Variants in TNPO3 observed in about 807,000 individuals in gnomAD.
TNPO3 encodes transportin 3.
TNPO3 carries 65 observed loss-of-function variants against 122.8 expected under a neutral mutation model. The ratio of observed to expected loss-of-function variants is 0.53; its 90% CI spans 0.43 to 0.65. TNPO3 has a LOEUF of 0.65. TNPO3 is among the 30% of genes least tolerant of loss of function. The pLI is 0.00. For missense variants in TNPO3, 850 were observed against 1,136.7 expected (o/e 0.75, Z 3.63); for synonymous variants, 372 against 411.2 (o/e 0.90, Z 1.15).
chr7:129,014,956 C>G (rs1584573480), intron 4 of TNPO3, 23 bp downstream of exon 4: 1 of 1,548,374 alleles, frequency 6.5e-7, no homozygotes, highest in East Asian at 2.4e-5. Context: ...TATGCAGCAA[C>G]TTAGTATTTC....
Position 128,955,090 on chromosome 7 carries a change from T to G in TNPO3, c.*327A>C. On this transcript the variant is annotated 3_prime_UTR_variant, in exon 23 of 23. Transcript: ENST00000265388. ...TTCTGGTTTCTGTTTAGTCTTCCTTTTTTTTCTTTTTTCTTTACTTAAAAT... is the reference window on the plus strand; with the variant it reads ...TTCTGGTTTCTGTTTAGTCTTCCTTGTTTTTCTTTTTTCTTTACTTAAAAT... 3.1e-6 allele frequency: 1 copy of G among 327,594 alleles called. No homozygotes were observed. The highest frequency in any genetic ancestry group is 2.3e-5 in the South Asian group (1 of 42,644). The allele number at this position is 327,594 out of a possible 1,614,324, so 20.3% of individuals were successfully genotyped here. A position where few individuals can be genotyped will look rare whatever the true frequency, so the allele number is the denominator to read the frequency against.
At chr7:128,991,939 T>C in intron 10 of TNPO3, 60 bp downstream of exon 10, 1 of 1,208,664 alleles carries the variant, frequency 8.3e-7, no homozygotes, top group East Asian at 2.5e-5. Flanking sequence ...AAAAAAATAG[T>C]GTCATTTTCC....
intron 20 of TNPO3, among the ~76,000 whole-genome samples, chr7:128,969,224 G>A (rs1798214893): frequency 6.6e-6 from 1 of 152,194 alleles, no homozygotes; most frequent in South Asian, 2.1e-4. Context: ...AGCAGAGTAT[G>A]AAGACTTTTT....
chr7:129,046,890 A>AC (rs1276195443), intron 1 of TNPO3, among the ~76,000 whole-genome samples: 6 of 151,880 alleles, frequency 4.0e-5, no homozygotes, highest in African/African-American at 9.7e-5. Context: ...GTATGAGGGA[A>AC]CCCCCCATCA....
In TNPO3 at chr7:129,005,166, A is replaced by G. The variant is rs1321925468; in HGVS notation, c.553-7T>C. ...CTTTTTCTACACAGGTCATCTGAAT[A>G]GAGAAAAAAACTTAAAATGAATAAT... is the stretch of plus-strand genomic sequence containing the variant. On this transcript the variant is annotated splice_polypyrimidine_tract_variant and splice_region_variant and intron_variant, in intron 4 of 22. Transcript: ENST00000265388. 4.4e-6 allele frequency: 7 copies of G among 1,608,110 alleles called. No homozygotes were observed. The highest frequency in any genetic ancestry group is 1.7e-5 in the Admixed American group (1 of 58,736).
chr7:128,968,782 C>T (rs909589905), intron 20 of TNPO3, among the ~76,000 whole-genome samples: 1 of 152,178 alleles, frequency 6.6e-6, no homozygotes, highest in African/African-American at 2.4e-5. Flanking sequence ...ATGATCATAG[C>T]TCACTGCAGG....
At chr7:128,998,095 A>C (rs1801531706) in intron 7 of TNPO3, among the ~76,000 whole-genome samples, 2 of 144,572 alleles carry the variant, frequency 1.4e-5, no homozygotes, top group African/African-American at 2.6e-5. Flanking sequence ...TAATCCTCCC[A>C]CCTAGGTCTC....
At chr7:129,054,505 T>C (rs1324015549) in intron 1 of TNPO3, 146 bp downstream of exon 1, 1 of 1,301,218 alleles carries the variant, frequency 7.7e-7, no homozygotes, top group African/African-American at 1.5e-5. Flanking sequence ...GGCAAAGATG[T>C]AGCTTCGCAG....
rs545897826 is a variant in TNPO3 at position 129,032,617 on chromosome 7, C to T, written c.121-14460G>A. On this transcript the variant is annotated intron_variant, in intron 1 of 22. Coordinates refer to ENST00000265388, the MANE Select transcript of TNPO3 (RefSeq NM_012470.4). ...AATTCCATTTACAATAGAATAAAAACGAATAAAATACTCAGGAATAAGCTT... is the reference window on the plus strand; with the variant it reads ...AATTCCATTTACAATAGAATAAAAATGAATAAAATACTCAGGAATAAGCTT... Among the ~76,000 whole-genome samples, 5 of 152,014 alleles carry T rather than the reference C, an allele frequency of 3.3e-5. No individual in the cohort carries two copies. The South Asian group carries it at 6.2e-4, about 19-fold the overall frequency.
chr7:129,048,023 C>A (rs1306228206), intron 1 of TNPO3, among the ~76,000 whole-genome samples: 1 of 152,104 alleles, frequency 6.6e-6, no homozygotes, highest in Non-Finnish European at 1.5e-5. Flanking sequence ...GGGCTTGAGA[C>A]CAGCCTGGGC....
Position 128,972,479 on chromosome 7 carries a change from A to G in TNPO3, c.2377T>C (p.Cys793Arg). 6.2e-7 allele frequency: 1 copy of G among 1,614,230 alleles called. No homozygotes were observed. The highest frequency in any genetic ancestry group is 8.5e-7 in the Non-Finnish European group (1 of 1,180,036). The change falls in exon 19 of 23, where the codon TGT becomes CGT. Residue 793 changes from cysteine to arginine, a missense_variant. Physicochemically the swap from Cys to Arg is radical, Grantham distance 180. Transcript: ENST00000265388. ...STTLDHRDAN[C>R]SVMRFLRDLI... is the part of the protein sequence containing the mutation. ...TCTCGTAGAAACCTCATGACACTACAATTGGCATCCCGGTGGTCCAGGGTA... is the reference window on the plus strand; with the variant it reads ...TCTCGTAGAAACCTCATGACACTACGATTGGCATCCCGGTGGTCCAGGGTA...
intron 1 of TNPO3, among the ~76,000 whole-genome samples, chr7:129,052,131 C>T (rs1196465742): frequency 1.3e-5 from 2 of 152,172 alleles, no homozygotes; most frequent in Admixed American, 6.5e-5. Flanking sequence ...TTTCCACCCT[C>T]CTCTATCATG....
chr7:129,036,556 G>T (rs1253738607), intron 1 of TNPO3, among the ~76,000 whole-genome samples: 6 of 152,106 alleles, frequency 3.9e-5, no homozygotes, highest in Non-Finnish European at 7.3e-5. Context: ...AATACAGACT[G>T]ATAATACCAT....
intron 1 of TNPO3, among the ~76,000 whole-genome samples, chr7:129,047,535 C>T (rs1037697327): frequency 1.3e-5 from 2 of 152,144 alleles, no homozygotes; most frequent in Admixed American, 1.3e-4. Flanking sequence ...GCAATGAATA[C>T]AGATTCTTCA....
At chr7:128,959,381 T>C (rs557066076) in intron 21 of TNPO3, among the ~76,000 whole-genome samples, 89 of 152,336 alleles carry the variant, frequency 5.8e-4, no homozygotes, top group African/African-American at 1.9e-3. Context: ...TCAGAACAGA[T>C]AGAAACAGGG....
At chr7:128,983,659 C>T (rs763270483) in intron 13 of TNPO3, among the ~76,000 whole-genome samples, 1 of 152,240 alleles carries the variant, frequency 6.6e-6, no homozygotes, top group Non-Finnish European at 1.5e-5. Flanking sequence ...CTGCTAGCTC[C>T]AAGCTTTTTG....
intron 7 of TNPO3, among the ~76,000 whole-genome samples, chr7:128,998,351 C>A (rs1430227726): frequency 6.6e-6 from 1 of 152,014 alleles, no homozygotes; most frequent in African/African-American, 2.4e-5. Flanking sequence ...CAGAGTGAGA[C>A]CCTGTCTCAA....
At chr7:129,051,145 T>TAAAA (rs77733877) in intron 1 of TNPO3, among the ~76,000 whole-genome samples, 1 of 147,452 alleles carries the variant, frequency 6.8e-6, no homozygotes, top group Non-Finnish European at 1.5e-5. Context: ...AACAAAATGT[T>TAAAA]AAAAAAAAAA....
chr7:129,040,514 T>C (rs965391861), intron 1 of TNPO3, among the ~76,000 whole-genome samples: 1 of 152,206 alleles, frequency 6.6e-6, no homozygotes, highest in African/African-American at 2.4e-5. Flanking sequence ...CTTGATGTTA[T>C]TTGCGATTAC....
Sources: allele counts gnomAD v4.1 joint callset (sites outside exome capture counted in the v4.1 genomes callset), GRCh38; gene constraint gnomAD v4.1.1; transcripts MANE v1.5; gene names NCBI Gene and HGNC (gene_info 2026-07-23, HGNC 2026-07-21).